The following SKIC3 variants were observed in gnomAD, a reference collection of about 807,000 sequenced individuals.
SKIC3 encodes superkiller complex protein 3.
chr5:95,529,296 C>T, the SKIC3 span: 1 of 633,120 alleles, frequency 1.6e-6, no homozygotes, highest in East Asian at 2.8e-5. Flanking sequence ...TCAGTTCAGA[C>T]CTCCACCATC....
At chr5:95,504,778 A>G in the SKIC3 span, among the ~76,000 whole-genome samples, 3 of 152,096 alleles carry the variant, frequency 2.0e-5, no homozygotes, top group East Asian at 5.8e-4. Context: ...AGACAGGGGC[A>G]TCACTTGAGG....
At chr5:95,521,969 T>C in the SKIC3 span, 1 of 1,566,456 alleles carries the variant, frequency 6.4e-7, no homozygotes, top group Non-Finnish European at 8.7e-7. Context: ...TTTCAAGTTA[T>C]TCAATACATT....
the SKIC3 span, among the ~76,000 whole-genome samples, chr5:95,508,083 T>C: frequency 6.6e-5 from 10 of 152,358 alleles, no homozygotes; most frequent in African/African-American, 2.4e-4. Context: ...TACACTCATT[T>C]TCATATACTT....
the SKIC3 span, chr5:95,548,683 C>T: frequency 6.6e-6 from 1 of 151,650 alleles, no homozygotes; most frequent in Admixed American, 6.6e-5. Context: ...TTTTCTCAAA[C>T]CAGTTTCCTT....
chr5:95,525,625 C>T, the SKIC3 span: 6 of 1,614,012 alleles, frequency 3.7e-6, no homozygotes, highest in South Asian at 1.1e-5. Flanking sequence ...TTCCGATAGG[C>T]CAAGCTTTTG....
the SKIC3 span, among the ~76,000 whole-genome samples, chr5:95,475,900 C>T: frequency 7.2e-4 from 109 of 152,338 alleles, 1 homozygote; most frequent in East Asian, 0.019. Flanking sequence ...TACTTCTTCA[C>T]ATTCACAGGC....
chr5:95,512,349 C>A, the SKIC3 span: 1 of 1,144,828 alleles, frequency 8.7e-7, no homozygotes, highest in Non-Finnish European at 1.2e-6. Flanking sequence ...TTCGCTGTTG[C>A]AAAAAGAAGG....
At chr5:95,516,300 T>C in the SKIC3 span, 782 of 1,596,552 alleles carry the variant, frequency 4.9e-4, 6 homozygotes, top group South Asian at 5.3e-3. Context: ...GAGGAGACAA[T>C]AATATAGAAA....
the SKIC3 span, chr5:95,497,399 T>A: frequency 6.2e-7 from 1 of 1,603,228 alleles, no homozygotes; most frequent in Non-Finnish European, 8.5e-7. Flanking sequence ...TTGCTAGAAT[T>A]TGAAACGTTA....
chr5:95,525,347 T>C, the SKIC3 span: 2 of 1,536,824 alleles, frequency 1.3e-6, no homozygotes, highest in Non-Finnish European at 1.8e-6. Context: ...TTTTCAGAAA[T>C]ATAAAGAACT....
At chr5:95,545,640 C>T in the SKIC3 span, among the ~76,000 whole-genome samples, 1 of 152,138 alleles carries the variant, frequency 6.6e-6, no homozygotes, top group Non-Finnish European at 1.5e-5. Context: ...TGAGAAACTG[C>T]TTCTTGCTCA....
chr5:95,502,959 C>T, the SKIC3 span: 10 of 1,614,096 alleles, frequency 6.2e-6, no homozygotes, highest in Middle Eastern at 1.7e-4. Flanking sequence ...AAGATATGGG[C>T]TTTGTCTTGC....
the SKIC3 span, among the ~76,000 whole-genome samples, chr5:95,548,006 A>G: frequency 6.6e-6 from 1 of 152,118 alleles, no homozygotes; most frequent in African/African-American, 2.4e-5. Flanking sequence ...ATAAAAAGAT[A>G]TTTTAATTAG....
At chr5:95,526,334 G>A in the SKIC3 span, among the ~76,000 whole-genome samples, 4 of 151,576 alleles carry the variant, frequency 2.6e-5, no homozygotes, top group South Asian at 2.1e-4. Flanking sequence ...TTTGCTAAAC[G>A]TATTCTCAAG....
the SKIC3 span, among the ~76,000 whole-genome samples, chr5:95,514,270 T>A: frequency 1.3e-5 from 2 of 151,876 alleles, no homozygotes; most frequent in Admixed American, 6.6e-5. Context: ...GGTGAGAAAA[T>A]TAAAATCCAG....
the SKIC3 span, chr5:95,543,278 C>A: frequency 1.2e-6 from 2 of 1,613,982 alleles, no homozygotes; most frequent in Non-Finnish European, 1.7e-6. Context: ...TGCAGCAACG[C>A]CAATAAAAAC....
chr5:95,529,121 TCACAAAAAACAA>T, the SKIC3 span: 1 of 1,611,002 alleles, frequency 6.2e-7, no homozygotes, highest in Non-Finnish European at 8.5e-7. Context: ...ATAAAAACAA[TCACAAAAAACAA>T]GGTTTCTGTG....
chr5:95,549,545 C>T, the SKIC3 span, among the ~76,000 whole-genome samples: 1 of 151,898 alleles, frequency 6.6e-6, no homozygotes, highest in African/African-American at 2.4e-5. Context: ...AATTACAATT[C>T]TTCATGCTAC....
At chr5:95,503,665 A>C in the SKIC3 span, 130 of 967,978 alleles carry the variant, frequency 1.3e-4, no homozygotes, top group African/African-American at 1.8e-3. Flanking sequence ...CAGATAAAAA[A>C]GTGCCTAGTA....
Sources: gnomAD v4.1 joint callset for allele counts (sites outside exome capture counted in the v4.1 genomes callset) on GRCh38, gnomAD v4.1.1 for gene constraint, MANE v1.5 for transcripts, NCBI Gene and HGNC (gene_info 2026-07-23, HGNC 2026-07-21) for gene names.